The following DERA variants were observed in gnomAD, a reference collection of about 807,000 sequenced individuals.
DERA encodes 2-deoxy-D-ribose 5-phosphate aldolase.
A neutral mutation model predicts 41.1 loss-of-function variants in DERA; 15 were observed. The ratio of observed to expected loss-of-function variants is 0.37; its 90% CI spans 0.24 to 0.56. The LOEUF (loss-of-function observed/expected upper bound fraction) is 0.56, where lower values mean the gene tolerates loss of function less well. Among genes scored for constraint, DERA ranks in the 20% least tolerant of loss-of-function variants. The pLI is 0.81. For synonymous variants in DERA, 139 were observed against 137.4 expected (o/e 1.01, Z -0.08); for missense variants, 396 against 403.4 (o/e 0.98, Z 0.16).
chr12:15,956,197 G>T (rs1165286872), intron 1 of DERA, among the ~76,000 whole-genome samples: 4 of 152,196 alleles, frequency 2.6e-5, no homozygotes, highest in South Asian at 4.1e-4. Flanking sequence ...TCTGTCTGGG[G>T]AGCTGACAGT....
At chr12:16,028,511 C>T (rs1456637126) in intron 6 of DERA, among the ~76,000 whole-genome samples, 1 of 152,208 alleles carries the variant, frequency 6.6e-6, no homozygotes, top group Non-Finnish European at 1.5e-5. Flanking sequence ...TGGATTATAA[C>T]TTCCCACTCC....
At chr12:15,932,359 A>G (rs1034992242) in intron 1 of DERA, among the ~76,000 whole-genome samples, 3 of 152,156 alleles carry the variant, frequency 2.0e-5, no homozygotes, top group Non-Finnish European at 4.4e-5. Context: ...AAGTTTCACT[A>G]TAATTTGTTG....
chr12:15,960,495 A>G (rs2136148782), intron 4 of DERA, among the ~76,000 whole-genome samples: 1 of 151,454 alleles, frequency 6.6e-6, no homozygotes, highest in Non-Finnish European at 1.5e-5. Flanking sequence ...AAAATTAGCC[A>G]GGCATGGTGG....
intron 5 of DERA, among the ~76,000 whole-genome samples, chr12:15,964,820 A>G (rs1358052533): frequency 1.3e-5 from 2 of 152,230 alleles, no homozygotes; most frequent in Non-Finnish European, 2.9e-5. Context: ...AATAAAATAC[A>G]ATAGGAGATG....
rs1948989450 is a variant in DERA, at chr12:16,017,317, T to A, written c.638-15225T>A. On this transcript the variant is annotated intron_variant, in intron 6 of 8. Transcript: ENST00000428559. This position sits in a 1 kb window ranked among gnomAD's most constrained non-coding sequence, Gnocchi z 5.5. ...GTGTTCTATTGCATTGCTAACGTGA[T>A]GGACTGGACCGACAGAGAATTACTC... Among the ~76,000 whole-genome samples, 1 of 152,254 alleles carries A rather than the reference T, an allele frequency of 6.6e-6. No homozygotes were observed.
At chr12:15,945,998 G>T (rs1948445075) in intron 1 of DERA, among the ~76,000 whole-genome samples, 1 of 152,174 alleles carries the variant, frequency 6.6e-6, no homozygotes, top group Non-Finnish European at 1.5e-5. Context: ...TGTGGTTTTT[G>T]TCTTTGCTTC....
At chr12:15,971,486 A>C (rs1592026882) in intron 5 of DERA, among the ~76,000 whole-genome samples, 1 of 147,210 alleles carries the variant, frequency 6.8e-6, no homozygotes, top group Non-Finnish European at 1.5e-5. Flanking sequence ...GTCACTGAAG[A>C]GGCCATCTTT....
In DERA at chr12:15,993,551, A is replaced by G. The variant is rs777236200; in HGVS notation, c.637+11115A>G. ...AAAAGCATTTAATTTATGAAAAGGT[A>G]TGCTACAACTGAAACTTCATCACTG... On this transcript the variant is annotated intron_variant, in intron 6 of 8. Coordinates refer to ENST00000428559, the MANE Select transcript of DERA (RefSeq NM_015954.4). The surrounding 1 kb of genome is among the most constrained non-coding windows in gnomAD (Gnocchi z 4.4). Among the ~76,000 whole-genome samples the G allele has an allele frequency of 1.1e-4, 16 of 151,608 alleles. No individual in the cohort carries two copies. Among genetic ancestry groups the G allele is most frequent in the Non-Finnish European group, 2.1e-4 (14 of 67,946 alleles).
intron 6 of DERA, among the ~76,000 whole-genome samples, chr12:15,986,697 C>T (rs1358575100): frequency 6.7e-6 from 1 of 149,744 alleles, no homozygotes; most frequent in Non-Finnish European, 1.5e-5. Context: ...TTTTAACAGT[C>T]ACTTGTCTTT....
chr12:16,014,554 T>G lies in DERA; in HGVS notation c.638-17988T>G, dbSNP rs1398118384. Among the ~76,000 whole-genome samples the G allele has an allele frequency of 6.6e-6, 1 of 152,216 alleles. No individual in the cohort carries two copies. Among genetic ancestry groups the G allele is most frequent in the African/African-American group, 2.4e-5 (1 of 41,448 alleles). On this transcript the variant is annotated intron_variant, in intron 6 of 8. Transcript: ENST00000428559. This position sits in a 1 kb window ranked among gnomAD's most constrained non-coding sequence, Gnocchi z 5.4. Reference sequence around the variant, plus strand: ...CACCACCTAGGTTTCAGAGGATGTATGGAATCGCCTGGATGTCCTGGCAGA... The same window carrying G: ...CACCACCTAGGTTTCAGAGGATGTAGGGAATCGCCTGGATGTCCTGGCAGA...
chr12:15,951,924 CGGAG>C (rs887004787), intron 1 of DERA, among the ~76,000 whole-genome samples: 7 of 149,902 alleles, frequency 4.7e-5, no homozygotes, highest in Non-Finnish European at 8.9e-5. Context: ...TTTTTTGAGA[CGGAG>C]TCTTGCTCTG....
At chr12:16,030,419 C>CT (rs1949084778) in intron 6 of DERA, among the ~76,000 whole-genome samples, 1 of 152,104 alleles carries the variant, frequency 6.6e-6, no homozygotes, top group Admixed American at 6.5e-5. Flanking sequence ...TATGTGGAGG[C>CT]TTTAATCTCT....
intron 1 of DERA, among the ~76,000 whole-genome samples, chr12:15,953,152 A>C (rs1256067644): frequency 6.6e-6 from 1 of 152,110 alleles, no homozygotes; most frequent in Non-Finnish European, 1.5e-5. Flanking sequence ...AGAAATCTCC[A>C]CTTATCCATT....
Position 15,921,799 on chromosome 12 carries a change from G to A in DERA, c.31+10385G>A, listed in dbSNP as rs1250229330. On this transcript the variant is annotated intron_variant, in intron 1 of 8. Transcript: ENST00000428559. This position sits in a 1 kb window ranked among gnomAD's most constrained non-coding sequence, Gnocchi z 5.3. ...AAATTAACCGGGCTTGGTGGCGAGC[G>A]CCTGTAATCCCAGCTACTCGGGAGA... Among the ~76,000 whole-genome samples the A allele has an allele frequency of 2.6e-5, 4 of 151,924 alleles. No individual in the cohort carries two copies. The highest frequency in any genetic ancestry group is 3.9e-4 in the East Asian group (2 of 5,182).
intron 6 of DERA, among the ~76,000 whole-genome samples, chr12:16,031,281 T>A (rs1949090767): frequency 6.6e-6 from 1 of 152,216 alleles, no homozygotes; most frequent in Non-Finnish European, 1.5e-5. Flanking sequence ...GGTCTTGAAT[T>A]TTTTGTATTT....
chr12:15,976,892 T>C lies in DERA; in HGVS notation c.509-5416T>C, dbSNP rs1009553205. On this transcript the variant is annotated intron_variant, in intron 5 of 8. Coordinates refer to ENST00000428559, the MANE Select transcript of DERA (RefSeq NM_015954.4). The surrounding 1 kb of genome is among the most constrained non-coding windows in gnomAD (Gnocchi z 4.1). ...CAAGCAAGGGCTGAGAAGTCCTGAT[T>C]CAAATATATGAACTCTACTGTAGCA... 2.0e-5 allele frequency among the ~76,000 whole-genome samples: 3 copies of C among 152,152 alleles called. No individual in the cohort carries two copies. The highest frequency in any genetic ancestry group is 6.5e-5 in the Admixed American group (1 of 15,272).
chr12:15,911,332 G>A lies in DERA; in HGVS notation c.-52G>A, dbSNP rs73303345. On this transcript the variant is annotated 5_prime_UTR_variant, in exon 1 of 9. Coordinates refer to ENST00000428559, the MANE Select transcript of DERA (RefSeq NM_015954.4). This position sits in a 1 kb window ranked among gnomAD's most constrained non-coding sequence, Gnocchi z 4.5. Reference sequence around the variant, plus strand: ...TGGCGGGAAGGAGGAAGGGCCGGGCGCGGCGCAGAGGCGGGCGCCTACCAG... The same window carrying A: ...TGGCGGGAAGGAGGAAGGGCCGGGCACGGCGCAGAGGCGGGCGCCTACCAG... 2,880 of 1,440,094 alleles carry A rather than the reference G, an allele frequency of 2.0e-3. 61 individuals are homozygous for A. In the African/African-American group the frequency reaches 0.038, roughly 19 times the overall value. The allele number at this position is 1,440,094 out of a possible 1,614,324, so 89.2% of individuals were successfully genotyped here.
At position 16,032,566 on chromosome 12, in the gene DERA, C is replaced by T. The variant is rs775311177; in HGVS notation, c.662C>T (p.Thr221Ile). 32 of 1,550,634 alleles carry T rather than the reference C, an allele frequency of 2.1e-5. No homozygotes were observed. In the South Asian group the frequency reaches 3.9e-4, roughly 19 times the overall value. ...MAGSDFIKTS[T>I]GKETVNATFP... is the part of the protein sequence containing the mutation. ...GGATCAGATTTTATTAAGACCTCTACTGGAAAAGAAACAGTAAATGCCACC... is the reference window on the plus strand; with the variant it reads ...GGATCAGATTTTATTAAGACCTCTATTGGAAAAGAAACAGTAAATGCCACC... The change falls in exon 7 of 9, where the codon ACT becomes ATT. Residue 221 changes from threonine (T) to isoleucine (I), a missense_variant. By Grantham distance (89) the Thr-to-Ile change is moderately conservative (BLOSUM62 -1). Coordinates refer to ENST00000428559, the MANE Select transcript of DERA (RefSeq NM_015954.4).
rs111820409 is a variant in DERA at position 15,935,206 on chromosome 12, G to T, written c.32-21730G>T. 2.0e-3 allele frequency among the ~76,000 whole-genome samples: 298 copies of T among 152,270 alleles called. 3 individuals carry two copies. Among genetic ancestry groups the T allele is most frequent in the African/African-American group, 6.9e-3 (285 of 41,552 alleles). On this transcript the variant is annotated intron_variant, in intron 1 of 8. Transcript: ENST00000428559. The surrounding 1 kb of genome is among the most constrained non-coding windows in gnomAD (Gnocchi z 4.8). ...TTTAAAGTTTCACTGTAATTTTTTG[G>T]CTGAGTATGGTGGCTCATGCCTGTA...
Sources: allele counts gnomAD v4.1 joint callset (sites outside exome capture counted in the v4.1 genomes callset), GRCh38; gene constraint gnomAD v4.1.1; non-coding constraint Gnocchi (gnomAD v3.1); transcripts MANE v1.5; gene names NCBI Gene and HGNC (gene_info 2026-07-23, HGNC 2026-07-21).